Variants in NTM observed in about 807,000 individuals in gnomAD.
NTM encodes neurotrimin.
Under a neutral mutation model 42.1 loss-of-function variants are expected in NTM, and 13 were observed. The observed-to-expected ratio is 0.31, with a 90% CI of 0.20 to 0.49. The LOEUF (loss-of-function observed/expected upper bound fraction) is 0.49. Ranked by LOEUF, NTM falls within the 20% of genes least tolerant of loss-of-function variation. The probability of loss-of-function intolerance (pLI) is 0.99; values close to 1 mark genes in which losing one functional copy is unlikely to be tolerated. For missense variants in NTM, 373 were observed against 452.8 expected (o/e 0.82, Z 1.60); for synonymous variants, 187 against 179.2 (o/e 1.04, Z -0.35).
At chr11:132,187,782 C>T (rs767119585) in intron 3 of NTM, among the ~76,000 whole-genome samples, 1 of 152,116 alleles carries the variant, frequency 6.6e-6, no homozygotes, top group African/African-American at 2.4e-5. Context: ...GGGTATGTGG[C>T]GCCTCTGTAC....
At chr11:131,735,177 A>G (rs2080251499) in intron 1 of NTM, among the ~76,000 whole-genome samples, 1 of 152,234 alleles carries the variant, frequency 6.6e-6, no homozygotes, top group Admixed American at 6.5e-5. Flanking sequence ...TTTCATAATG[A>G]AAGCCAAACT....
chr11:132,219,339 G>T (rs1465726081), intron 4 of NTM, among the ~76,000 whole-genome samples: 1 of 152,086 alleles, frequency 6.6e-6, no homozygotes. Flanking sequence ...CTCCTGTCAT[G>T]CCAGGGATCA....
At chr11:131,906,136 A>C (rs375332191) in intron 1 of NTM, among the ~76,000 whole-genome samples, 3 of 152,148 alleles carry the variant, frequency 2.0e-5, no homozygotes, top group East Asian at 1.9e-4. Flanking sequence ...TGGTACACAC[A>C]AGGAACTCAA....
intron 1 of NTM, among the ~76,000 whole-genome samples, chr11:131,602,118 G>C (rs1234868507): frequency 2.6e-5 from 4 of 152,150 alleles, no homozygotes; most frequent in Non-Finnish European, 4.4e-5. Context: ...TCCCTGTATG[G>C]ATGGCAGATT....
chr11:131,643,111 C>T (rs1385863760), intron 1 of NTM, among the ~76,000 whole-genome samples: 1 of 151,376 alleles, frequency 6.6e-6, no homozygotes, highest in Non-Finnish European at 1.5e-5. Context: ...AAAGAGAGAT[C>T]ATATTTCAAT....
At chr11:131,424,992 G>T (rs1271943325) in intron 1 of NTM, among the ~76,000 whole-genome samples, 2 of 150,364 alleles carry the variant, frequency 1.3e-5, no homozygotes, top group Non-Finnish European at 1.5e-5. Flanking sequence ...CAATTCTTCT[G>T]CATCAGCCTC....
chr11:131,766,007 G>A (rs1333428394), intron 1 of NTM, among the ~76,000 whole-genome samples: 1 of 152,056 alleles, frequency 6.6e-6, no homozygotes, highest in Non-Finnish European at 1.5e-5. Context: ...CAAATTCTAG[G>A]GACCTGAATA....
chr11:131,965,269 C>T (rs2062690077), intron 2 of NTM, among the ~76,000 whole-genome samples: 1 of 152,078 alleles, frequency 6.6e-6, no homozygotes, highest in African/African-American at 2.4e-5. Flanking sequence ...GATCTGTAAC[C>T]CTCCTCCAGT....
At chr11:131,751,589 C>CAAA (rs34297944) in intron 1 of NTM, among the ~76,000 whole-genome samples, 1 of 116,108 alleles carries the variant, frequency 8.6e-6, no homozygotes, top group Non-Finnish European at 1.9e-5. Flanking sequence ...GACTCCGTCT[C>CAAA]AAAAAAAAAA....
At chr11:131,704,381 C>T (rs1434349827) in intron 1 of NTM, among the ~76,000 whole-genome samples, 1 of 152,214 alleles carries the variant, frequency 6.6e-6, no homozygotes, top group Non-Finnish European at 1.5e-5. Context: ...CATCCACTGA[C>T]CCAGACACAG....
chr11:131,420,744 T>A (rs1947418546), intron 1 of NTM, among the ~76,000 whole-genome samples: 1 of 152,196 alleles, frequency 6.6e-6, no homozygotes. Context: ...TCAGGAGACA[T>A]AACCAAGAAA....
intron 2 of NTM, among the ~76,000 whole-genome samples, chr11:132,006,499 C>G (rs1303742881): frequency 4.6e-5 from 7 of 152,218 alleles, no homozygotes; most frequent in Admixed American, 4.6e-4. Flanking sequence ...ATTGCAAGAA[C>G]ATCGTAGGAC....
intron 1 of NTM, among the ~76,000 whole-genome samples, chr11:131,680,537 G>T (rs2072373069): frequency 5.0e-5 from 7 of 141,332 alleles, no homozygotes; most frequent in Admixed American, 1.4e-4. Flanking sequence ...CTGTGTCTGT[G>T]TCTGTGAGTG....
At chr11:131,523,972 G>A (rs184214597) in intron 1 of NTM, among the ~76,000 whole-genome samples, 121 of 150,550 alleles carry the variant, frequency 8.0e-4, no homozygotes, top group African/African-American at 2.9e-3. Flanking sequence ...ACAAGGTTGA[G>A]AACACTGCAG....
intron 1 of NTM, among the ~76,000 whole-genome samples, chr11:131,679,906 G>A (rs1378553747): frequency 2.0e-5 from 3 of 152,176 alleles, no homozygotes; most frequent in African/African-American, 7.2e-5. Context: ...GGCTAGTGCT[G>A]ATGTTTGACT....
chr11:131,545,490 A>T (rs555537880), intron 1 of NTM, among the ~76,000 whole-genome samples: 1 of 152,140 alleles, frequency 6.6e-6, no homozygotes, highest in East Asian at 1.9e-4. Flanking sequence ...GGATTTATTC[A>T]TCCATACATC....
intron 1 of NTM, among the ~76,000 whole-genome samples, chr11:131,436,236 G>T (rs1030418306): frequency 2.0e-5 from 3 of 152,164 alleles, no homozygotes; most frequent in African/African-American, 7.2e-5. Flanking sequence ...AGGGATATTG[G>T]TCTAAAATTC....
chr11:131,927,891 A>G (rs967572529), intron 2 of NTM, among the ~76,000 whole-genome samples: 1 of 151,930 alleles, frequency 6.6e-6, no homozygotes, highest in Non-Finnish European at 1.5e-5. Context: ...TATCCTAAAC[A>G]TATATACTCA....
In NTM at chr11:132,132,143, T is replaced by G. The variant is rs374682107; in HGVS notation, c.168-14139T>G. Among the ~76,000 whole-genome samples the G allele has an allele frequency of 1.2e-4, 18 of 152,320 alleles. No homozygotes were observed. In the East Asian group the frequency reaches 3.5e-3, roughly 29 times the overall value. On this transcript the variant is annotated intron_variant, in intron 2 of 8. Transcript: ENST00000683400. ...ATTCCTCTGCCTGACGTTTTATACC[T>G]GTGCGACCACTGCCCCGCCCCCATC...
Sources: gnomAD v4.1 joint callset for allele counts (sites outside exome capture counted in the v4.1 genomes callset) on GRCh38, gnomAD v4.1.1 for gene constraint, MANE v1.5 for transcripts, NCBI Gene and HGNC (gene_info 2026-07-23, HGNC 2026-07-21) for gene names.